The following OPCML variants were observed in gnomAD, a reference collection of about 807,000 sequenced individuals.
OPCML encodes the protein opioid-binding protein/cell adhesion molecule.
Under a neutral mutation model 37.8 loss-of-function variants are expected in OPCML, and 13 were observed. That is an observed-to-expected ratio of 0.34 (90% CI 0.22 to 0.55). The LOEUF is 0.55. Among genes scored for constraint, OPCML ranks in the 20% least tolerant of loss-of-function variants. OPCML has a pLI of 0.91. For missense variants in OPCML, 341 were observed against 435.6 expected, an observed-to-expected ratio of 0.78 and a Z score of 1.93; for synonymous variants, 176 against 168.8, an observed-to-expected ratio of 1.04 and a Z score of -0.33.
intron 2 of OPCML, among the ~76,000 whole-genome samples, chr11:132,750,218 T>C (rs1309449332): frequency 6.6e-6 from 1 of 152,202 alleles, no homozygotes; most frequent in East Asian, 1.9e-4. Flanking sequence ...TAGATATGTG[T>C]CATGGACTAA....
At chr11:133,100,392 A>G (rs1565447153) in intron 1 of OPCML, among the ~76,000 whole-genome samples, 1 of 152,244 alleles carries the variant, frequency 6.6e-6, no homozygotes, top group Non-Finnish European at 1.5e-5. Context: ...CTTAATGTAT[A>G]GATTAAACAC....
chr11:132,673,908 C>T (rs1180408864), intron 2 of OPCML, among the ~76,000 whole-genome samples: 4 of 152,164 alleles, frequency 2.6e-5, no homozygotes, highest in African/African-American at 9.7e-5. Flanking sequence ...TCCTTCCTTC[C>T]CTTTTCTCTC....
chr11:133,326,000 C>T (rs958052833), intron 1 of OPCML, among the ~76,000 whole-genome samples: 1 of 152,136 alleles, frequency 6.6e-6, no homozygotes, highest in Non-Finnish European at 1.5e-5. Context: ...ACTCCCACTT[C>T]CTGCAATCTC....
rs548925258 is a variant in OPCML at position 133,043,964 on chromosome 11, C to T, written c.62-100954G>A. 1.1e-4 allele frequency among the ~76,000 whole-genome samples: 16 copies of T among 152,284 alleles called. No homozygotes were observed. The East Asian group carries it at 1.7e-3, about 17-fold the overall frequency. ...AGGCACTATGCTGAATCGAGGGGGG[C>T]ACAGCAGACAATAACTGTTCTCACT... On this transcript the variant is annotated intron_variant, in intron 1 of 7. Coordinates refer to ENST00000524381, the MANE Select transcript of OPCML (RefSeq NM_001012393.5).
intron 1 of OPCML, among the ~76,000 whole-genome samples, chr11:132,962,443 C>T (rs1946114439): frequency 6.6e-6 from 1 of 152,224 alleles, no homozygotes; most frequent in South Asian, 2.1e-4. Flanking sequence ...TTTGCCTGTG[C>T]ATCATCAGTT....
At chr11:133,007,063 G>T in intron 1 of OPCML, 1 of 985,386 alleles carries the variant, frequency 1.0e-6, no homozygotes, top group Non-Finnish European at 1.2e-6. Flanking sequence ...TTTCTTTCCA[G>T]ACTTTGAGAC....
intron 2 of OPCML, among the ~76,000 whole-genome samples, chr11:132,691,249 G>A (rs184867886): frequency 5.9e-5 from 9 of 152,288 alleles, no homozygotes; most frequent in Admixed American, 2.6e-4. Context: ...GCATTCAATG[G>A]CAAGAAGATA....
rs146879329 is a variant in OPCML, at chr11:133,284,167, C to G, written c.61+248097G>C. The stretch of plus-strand genomic sequence containing the variant: ...AAACCTGGTCTGTGCCAATCTACAT[C>G]AAATGGAAAGGGGAGGTAAGAGGGA... On this transcript the variant is annotated intron_variant, in intron 1 of 7. Coordinates refer to ENST00000524381, the MANE Select transcript of OPCML (RefSeq NM_001012393.5). Among the ~76,000 whole-genome samples the G allele has an allele frequency of 1.5e-3, 224 of 152,260 alleles. 5 individuals are homozygous for G. The highest frequency in any genetic ancestry group is 0.01 in the Middle Eastern group (3 of 294).
At chr11:132,985,740 C>T (rs939738722) in intron 1 of OPCML, among the ~76,000 whole-genome samples, 2 of 152,214 alleles carry the variant, frequency 1.3e-5, no homozygotes, top group Non-Finnish European at 2.9e-5. Flanking sequence ...AGGGTACCTG[C>T]ACTAGGTCCA....
intron 1 of OPCML, among the ~76,000 whole-genome samples, chr11:133,508,115 T>G (rs1948074363): frequency 6.6e-6 from 1 of 151,920 alleles, no homozygotes; most frequent in African/African-American, 2.4e-5. Flanking sequence ...AGGGCCTGAG[T>G]GTCGTGGTTG....
At chr11:133,417,675 C>G (rs1401351653) in intron 1 of OPCML, among the ~76,000 whole-genome samples, 1 of 150,144 alleles carries the variant, frequency 6.7e-6, no homozygotes, top group Non-Finnish European at 1.5e-5. Flanking sequence ...TGATGTTCCC[C>G]TTCCTGTGTC....
chr11:133,208,183 G>A lies in OPCML; in HGVS notation c.62-265173C>T, dbSNP rs1056882834. On this transcript the variant is annotated intron_variant, in intron 1 of 7. Coordinates refer to ENST00000524381, the MANE Select transcript of OPCML (RefSeq NM_001012393.5). This position sits in a 1 kb window ranked among gnomAD's most constrained non-coding sequence, Gnocchi z 8.9. Reference sequence around the variant, plus strand: ...TACATTATGCTGGGGAAGGCAGACTGTCTATCTTGCTCACCATTTATCTCA... The same window carrying A: ...TACATTATGCTGGGGAAGGCAGACTATCTATCTTGCTCACCATTTATCTCA... 6.6e-6 allele frequency among the ~76,000 whole-genome samples: 1 copy of A among 152,198 alleles called. No individual in the cohort carries two copies. The highest frequency in any genetic ancestry group is 1.9e-4 in the East Asian group (1 of 5,202).
chr11:132,730,021 T>A (rs1945022528), intron 2 of OPCML, among the ~76,000 whole-genome samples: 1 of 144,152 alleles, frequency 6.9e-6, no homozygotes, highest in Non-Finnish European at 1.5e-5. Context: ...TTTTTTTTTT[T>A]TTTTTTTTTT....
At chr11:132,473,068 C>G (rs555356859) in intron 4 of OPCML, among the ~76,000 whole-genome samples, 10 of 152,300 alleles carry the variant, frequency 6.6e-5, no homozygotes, top group African/African-American at 2.2e-4. Flanking sequence ...TTAGAGAGAA[C>G]AGCTGTTTAA....
At position 133,005,598 on chromosome 11, in the gene OPCML, T is replaced by C. The variant is rs557026536; in HGVS notation, c.62-62588A>G. 7.1e-6 allele frequency: 7 copies of C among 985,232 alleles called. No individual in the cohort carries two copies. The East Asian group carries it at 5.7e-4, about 80-fold the overall frequency. The allele number at this position is 985,232 out of a possible 1,614,324, so 61.0% of individuals were successfully genotyped here. A position where few individuals can be genotyped will look rare whatever the true frequency, so the allele number is the denominator to read the frequency against. On this transcript the variant is annotated intron_variant, in intron 1 of 7. Transcript: ENST00000524381. ...TATCCCTTTCCTTAGGGACTACAGA[T>C]GTTTTCCTAACCTTCACACCGCCCT...
chr11:132,452,497 A>ACTTC (rs575180796), intron 4 of OPCML, among the ~76,000 whole-genome samples: 10,917 of 96,740 alleles, frequency 0.11, 1,248 homozygotes, highest in African/African-American at 0.29. Context: ...TCCCTTCCTC[A>ACTTC]CTTCCTTCCT....
intron 1 of OPCML, among the ~76,000 whole-genome samples, chr11:133,326,789 T>C (rs1309490162): frequency 3.1e-5 from 3 of 96,488 alleles, no homozygotes; most frequent in African/African-American, 1.2e-4. Flanking sequence ...TGGATGTGGA[T>C]GTGGGGTGTG....
chr11:132,918,772 C>T (rs375074025), intron 2 of OPCML, among the ~76,000 whole-genome samples: 1 of 151,592 alleles, frequency 6.6e-6, no homozygotes. Context: ...TCAACTTACA[C>T]GTGCCAACAT....
At chr11:133,313,886 T>C (rs1943126612) in intron 1 of OPCML, among the ~76,000 whole-genome samples, 1 of 152,174 alleles carries the variant, frequency 6.6e-6, no homozygotes, top group Admixed American at 6.5e-5. Flanking sequence ...AAAACTAATA[T>C]AATGGTACAG....
Sources: allele counts gnomAD v4.1 joint callset (sites outside exome capture counted in the v4.1 genomes callset), GRCh38; gene constraint gnomAD v4.1.1; non-coding constraint Gnocchi (gnomAD v3.1); transcripts MANE v1.5; gene names NCBI Gene and HGNC (gene_info 2026-07-23, HGNC 2026-07-21).